The following C2CD3 variants were observed in gnomAD, a reference collection of about 807,000 sequenced individuals.
C2CD3 encodes C2 domain-containing protein 3.
A neutral mutation model predicts 234.0 loss-of-function variants in C2CD3; 148 were observed. That is an observed-to-expected ratio of 0.63 (90% CI 0.55 to 0.72). C2CD3 has a LOEUF of 0.72. Ranked by LOEUF, C2CD3 falls within the 30% of genes least tolerant of loss-of-function variation. The pLI is 0.00. For missense variants in C2CD3, 2,577 were observed against 2,811.5 expected, an observed-to-expected ratio of 0.92 and a Z score of 1.89; for synonymous variants, 1,000 against 1,035.4, an observed-to-expected ratio of 0.97 and a Z score of 0.66.
intron 28 of C2CD3, among the ~76,000 whole-genome samples, chr11:74,046,529 A>G (rs1953382699): frequency 6.6e-6 from 1 of 151,960 alleles, no homozygotes; most frequent in Non-Finnish European, 1.5e-5. Flanking sequence ...GGGTCTCACT[A>G]TGTTGTCCAG....
intron 22 of C2CD3, among the ~76,000 whole-genome samples, chr11:74,082,516 G>A (rs921147064): frequency 4.6e-5 from 7 of 152,122 alleles, no homozygotes; most frequent in Non-Finnish European, 8.8e-5. Flanking sequence ...TTTTGTCAAA[G>A]GCCTTTTCTG....
At chr11:74,085,091 T>G (rs1955579668) in intron 21 of C2CD3, 121 bp from the exon 22 acceptor site, 1 of 582,180 alleles carries the variant, frequency 1.7e-6, no homozygotes, top group East Asian at 2.9e-5. Context: ...TAAAATGCAT[T>G]AGAGATTATC....
chr11:74,115,308 A>C (rs550119394), intron 9 of C2CD3, among the ~76,000 whole-genome samples: 22 of 152,164 alleles, frequency 1.4e-4, no homozygotes, highest in African/African-American at 4.6e-4. Context: ...TGAGTACAGA[A>C]ACTGAAACTC....
At chr11:74,037,162 C>T (rs995197895) in intron 30 of C2CD3, among the ~76,000 whole-genome samples, 1 of 152,154 alleles carries the variant, frequency 6.6e-6, no homozygotes, top group Non-Finnish European at 1.5e-5. Flanking sequence ...ATCTACCCCA[C>T]TCTTTTCTTG....
intron 32 of C2CD3, among the ~76,000 whole-genome samples, chr11:74,022,726 G>A (rs556744887): frequency 2.6e-5 from 4 of 152,362 alleles, no homozygotes; most frequent in African/African-American, 9.6e-5. Context: ...AAATCAGGAA[G>A]CTGTCCCAGT....
chr11:74,160,850 CT>C (rs1292838475), intron 3 of C2CD3, among the ~76,000 whole-genome samples: 1 of 152,120 alleles, frequency 6.6e-6, no homozygotes, highest in African/African-American at 2.4e-5. Flanking sequence ...TCACATTGTA[CT>C]CTAAAAATAT....
chr11:74,138,765 A>T lies in C2CD3; in HGVS notation c.910T>A (p.Cys304Ser), dbSNP rs1367367568. ...GGGAGGTTGTTTGAAGAAAGAATGC[A>T]TGAGTCACTGTGACTCTTGGCAACT... is the stretch of plus-strand genomic sequence containing the variant. ...RTVAKSHSDS[C>S]ILSSNNLPTK... The change falls in exon 5 of 33, where the codon TGC (cysteine) becomes AGC (serine). Residue 304 changes from cysteine (C) to serine (S), a missense_variant. Transcript: ENST00000334126. 6.2e-7 allele frequency: 1 copy of T among 1,613,006 alleles called. No homozygotes were observed. The highest frequency in any genetic ancestry group is 1.1e-5 in the South Asian group (1 of 91,062).
chr11:74,037,831 C>A, intron 29 of C2CD3, 133 bp from the exon 30 acceptor site: 1 of 674,680 alleles, frequency 1.5e-6, no homozygotes, highest in Non-Finnish European at 2.6e-6. Flanking sequence ...TATACTAAGT[C>A]CCTCTCTCTC....
At chr11:74,056,814 G>T (rs1386380798) in intron 25 of C2CD3, among the ~76,000 whole-genome samples, 2 of 151,928 alleles carry the variant, frequency 1.3e-5, no homozygotes, top group Non-Finnish European at 2.9e-5. Context: ...TCTTATTTAT[G>T]AAGCCTTCCC....
Position 74,098,173 on chromosome 11 carries a change from A to G in C2CD3, c.2815T>C (p.Phe939Leu), listed in dbSNP as rs202085374. The G allele has an allele frequency of 2.7e-5, 43 of 1,614,094 alleles. No individual in the cohort carries two copies. The East Asian group carries it at 9.4e-4, about 35-fold the overall frequency. Residue 939 changes from phenylalanine to leucine, a missense_variant, in exon 16 of 33, where the codon TTT (phenylalanine) becomes CTT (leucine). Physicochemically the swap from Phe to Leu is conservative, Grantham distance 22. Transcript: ENST00000334126. ...VDSYMPVIDV[F>L]SGHQNGSLRV... ...AGACTCCCATTTTGGTGGCCTGAAA[A>G]CACATCAATCACAGGCATGTAGCTG...
rs560728041 is a variant in C2CD3, at chr11:74,021,946, T to C, written c.6921+6341A>G. On this transcript the variant is annotated intron_variant, in intron 32 of 32. Transcript: ENST00000334126. The stretch of plus-strand genomic sequence containing the variant: ...TTCGAGACCAGCCTGGCCAACATGG[T>C]GAAACCCCATCTCTACTAAAAATAC... Among the ~76,000 whole-genome samples, 23 of 152,130 alleles carry C rather than the reference T, an allele frequency of 1.5e-4. No homozygotes were observed. The South Asian group carries it at 4.8e-3, about 32-fold the overall frequency.
At chr11:74,138,299 G>T (rs572425977) in intron 5 of C2CD3, among the ~76,000 whole-genome samples, 5 of 152,186 alleles carry the variant, frequency 3.3e-5, no homozygotes, top group Non-Finnish European at 5.9e-5. Flanking sequence ...GCTGTGTACT[G>T]AACGTTCTCA....
At chr11:74,019,660 G>A (rs1952009154) in intron 32 of C2CD3, among the ~76,000 whole-genome samples, 1 of 151,758 alleles carries the variant, frequency 6.6e-6, no homozygotes, top group Non-Finnish European at 1.5e-5. Context: ...CTTCTGGTTT[G>A]TGGAAAGGAA....
rs1426888626 is a variant in C2CD3, at chr11:74,048,615, T to C, written c.5362-277A>G. ...TGTTCCTCCAGCTATTAATACACTGTAAATGCCTGAATGGATATCATTTTA... is the reference window on the plus strand; with the variant it reads ...TGTTCCTCCAGCTATTAATACACTGCAAATGCCTGAATGGATATCATTTTA... On this transcript the variant is annotated intron_variant, in intron 27 of 32. Coordinates refer to ENST00000334126, the MANE Select transcript of C2CD3 (RefSeq NM_001286577.2). Among the ~76,000 whole-genome samples, 4 of 152,250 alleles carry C rather than the reference T, an allele frequency of 2.6e-5. No individual in the cohort carries two copies. In the East Asian group the frequency reaches 5.8e-4, roughly 22 times the overall value.
chr11:74,040,670 C>T (rs1359204146), intron 29 of C2CD3, among the ~76,000 whole-genome samples: 1 of 151,992 alleles, frequency 6.6e-6, no homozygotes, highest in Non-Finnish European at 1.5e-5. Flanking sequence ...GCAGAAGAAT[C>T]GCTTGAACCC....
chr11:74,128,188 T>C (rs1957481382), intron 7 of C2CD3, among the ~76,000 whole-genome samples: 1 of 152,248 alleles, frequency 6.6e-6, no homozygotes, highest in African/African-American at 2.4e-5. Context: ...ATATATTTTT[T>C]GGACAAATGT....
At chr11:74,150,506 A>C (rs1346742040) in intron 3 of C2CD3, among the ~76,000 whole-genome samples, 1 of 99,168 alleles carries the variant, frequency 1.0e-5, no homozygotes, top group Non-Finnish European at 2.0e-5. Context: ...AAAAAAAAAA[A>C]AAAAAAAAAC....
intron 9 of C2CD3, 147 bp downstream of exon 9, chr11:74,118,081 A>T: frequency 1.7e-6 from 1 of 598,090 alleles, no homozygotes; most frequent in Non-Finnish European, 2.8e-6. Context: ...TCAGATTATT[A>T]CATTTTTAAG....
intron 31 of C2CD3, among the ~76,000 whole-genome samples, chr11:74,032,146 T>C (rs1952544796): frequency 6.6e-6 from 1 of 152,226 alleles, no homozygotes; most frequent in Admixed American, 6.5e-5. Flanking sequence ...GGGGAGCTTA[T>C]AATTTGGTGG....
Sources: gnomAD v4.1 joint callset for allele counts (sites outside exome capture counted in the v4.1 genomes callset) on GRCh38, gnomAD v4.1.1 for gene constraint, MANE v1.5 for transcripts, NCBI Gene and HGNC (gene_info 2026-07-23, HGNC 2026-07-21) for gene names.